MTAP: variants seen among roughly 807,000 people sequenced by gnomAD.
MTAP encodes methylthioadenosine phosphorylase, also known as S-methyl-5'-thioadenosine phosphorylase.
In MTAP, 33 loss-of-function variants were observed where a neutral mutation model predicts 33.6. The observed-to-expected ratio is 0.98, with a 90% CI of 0.74 to 1.31. MTAP has a LOEUF of 1.31. Among genes scored for constraint, MTAP ranks in the 40% most tolerant of loss-of-function variants. MTAP has a pLI of 0.00. For missense variants in MTAP, 367 were observed against 360.0 expected, an observed-to-expected ratio of 1.02 and a Z score of -0.16; for synonymous variants, 148 against 125.7, an observed-to-expected ratio of 1.18 and a Z score of -1.19.
intron 1 of MTAP, among the ~76,000 whole-genome samples, chr9:21,878,776 A>G (rs546258046): frequency 1.3e-5 from 2 of 152,344 alleles, no homozygotes; most frequent in East Asian, 3.9e-4. Flanking sequence ...ATTAGTTTCA[A>G]GGAACTTCTT....
chr9:21,908,874 A>G (rs1387000556), intron 1 of MTAP, among the ~76,000 whole-genome samples: 1 of 151,946 alleles, frequency 6.6e-6, no homozygotes, highest in Non-Finnish European at 1.5e-5. Flanking sequence ...ATTATTTTGA[A>G]TGAAATATGG....
chr9:21,808,309 G>C (rs544287145), intron 1 of MTAP, among the ~76,000 whole-genome samples: 1 of 152,216 alleles, frequency 6.6e-6, no homozygotes, highest in African/African-American at 2.4e-5. Context: ...ATGAGGCCGG[G>C]CATGGTGGCT....
intron 4 of MTAP, among the ~76,000 whole-genome samples, chr9:21,833,207 A>G (rs1825016530): frequency 6.6e-6 from 1 of 151,878 alleles, no homozygotes; most frequent in East Asian, 1.9e-4. Flanking sequence ...CTTTTTTTTG[A>G]GACAAGATCT....
downstream of MTAP, among the ~76,000 whole-genome samples, chr9:21,939,031 A>G (rs959432035): frequency 3.0e-4 from 45 of 152,330 alleles, 1 homozygote; most frequent in Admixed American, 2.9e-3. Flanking sequence ...GGAGGGACCC[A>G]GGGAGAGGTT....
intron 2 of MTAP, 66 bp from the exon 3 acceptor site, chr9:21,816,648 A>T (rs960151960): frequency 1.7e-5 from 24 of 1,437,014 alleles, no homozygotes; most frequent in Non-Finnish European, 2.2e-5. Context: ...TTGTGGTTGA[A>T]CAATTATAAT....
chr9:21,880,326 T>C (rs1384520320), intron 1 of MTAP, among the ~76,000 whole-genome samples: 1 of 152,108 alleles, frequency 6.6e-6, no homozygotes. Flanking sequence ...TCCAAACCCA[T>C]AAACTAAACC....
intron 4 of MTAP, among the ~76,000 whole-genome samples, 171 bp downstream of exon 4, chr9:21,818,373 G>A (rs1159262285): frequency 7.7e-6 from 1 of 130,652 alleles, no homozygotes; most frequent in Non-Finnish European, 1.5e-5. Flanking sequence ...TGTCTCCCAG[G>A]CTGGAGTGCA....
intron 1 of MTAP, among the ~76,000 whole-genome samples, chr9:21,810,655 A>G (rs556572800): frequency 7.2e-5 from 11 of 152,216 alleles, no homozygotes; most frequent in Non-Finnish European, 1.3e-4. Context: ...TCAAACCATA[A>G]CATGAGGTAT....
chr9:21,924,986 C>G (rs781168823), intron 1 of MTAP, among the ~76,000 whole-genome samples: 1 of 152,214 alleles, frequency 6.6e-6, no homozygotes, highest in Non-Finnish European at 1.5e-5. Flanking sequence ...GAACATGACT[C>G]CATTATGGAG....
intron 1 of MTAP, chr9:21,893,988 A>G (rs1177576242): frequency 1.3e-5 from 2 of 151,936 alleles, no homozygotes; most frequent in Non-Finnish European, 2.9e-5. Context: ...GAACATGTAT[A>G]CAAAAATACT....
intron 1 of MTAP, among the ~76,000 whole-genome samples, chr9:21,899,233 T>G (rs1331687563): frequency 6.6e-4 from 31 of 47,150 alleles, no homozygotes; most frequent in African/African-American, 2.7e-3. Flanking sequence ...GGGCCTGTTG[T>G]GGGGTGGGGG....
Position 21,915,077 on chromosome 9 carries a change from TTTC to T in MTAP, c.148-15928_148-15926del, listed in dbSNP as rs1563869542. The stretch of plus-strand genomic sequence containing the variant: ...CTTCCTTTCTTTCTTTCTTTCTTTC[TTTC>T]TTTCCTTTCTTTCTTTTCTTTCGGC... On this transcript the variant is annotated intron_variant, in intron 1 of 1. Transcript: ENST00000577563. Among the ~76,000 whole-genome samples, 560 of 128,968 alleles carry T rather than the reference TTTC, an allele frequency of 4.3e-3. 28 individuals are homozygous for T. Among genetic ancestry groups the T allele is most frequent in the African/African-American group, 0.02 (535 of 27,174 alleles). The allele number at this position is 128,968 out of a possible 152,430, so 84.6% of individuals were successfully genotyped here.
intron 1 of MTAP, among the ~76,000 whole-genome samples, chr9:21,914,053 G>A (rs1286156535): frequency 6.6e-6 from 1 of 152,214 alleles, no homozygotes; most frequent in Non-Finnish European, 1.5e-5. Flanking sequence ...CTGGCCATCA[G>A]AGAAATGCAA....
intron 1 of MTAP, among the ~76,000 whole-genome samples, chr9:21,875,718 T>A (rs1825997261): frequency 6.6e-6 from 1 of 152,166 alleles, no homozygotes; most frequent in East Asian, 1.9e-4. Flanking sequence ...ACAAAAGATA[T>A]GGTCTCCTTC....
At chr9:21,820,957 A>T (rs931912629) in intron 4 of MTAP, among the ~76,000 whole-genome samples, 1 of 152,042 alleles carries the variant, frequency 6.6e-6, no homozygotes, top group Admixed American at 6.6e-5. Flanking sequence ...AATGCTTGTG[A>T]TTTTTGCACA....
intron 5 of MTAP, among the ~76,000 whole-genome samples, chr9:21,844,875 C>CA (rs1156880165): frequency 2.6e-5 from 4 of 152,020 alleles, no homozygotes; most frequent in East Asian, 1.9e-4. Context: ...ACTAAAAATA[C>CA]AAAAAAATTA....
chr9:21,916,120 G>C (rs1818686450), intron 1 of MTAP, among the ~76,000 whole-genome samples: 1 of 142,056 alleles, frequency 7.0e-6, no homozygotes, highest in Non-Finnish European at 1.5e-5. Flanking sequence ...AGGAAGGAAG[G>C]AGGGAGGGAA....
intron 1 of MTAP, among the ~76,000 whole-genome samples, chr9:21,918,893 G>A (rs1247857386): frequency 6.6e-6 from 1 of 152,032 alleles, no homozygotes; most frequent in Non-Finnish European, 1.5e-5. Context: ...CCAGTCTTGG[G>A]GGTGTCTTTA....
intron 4 of MTAP, among the ~76,000 whole-genome samples, chr9:21,820,814 G>A (rs1309273973): frequency 1.3e-5 from 2 of 152,186 alleles, no homozygotes; most frequent in African/African-American, 4.8e-5. Context: ...GCAGTGGTTT[G>A]TAGTTCTCCT....
Sources: gnomAD v4.1 joint callset for allele counts (sites outside exome capture counted in the v4.1 genomes callset) on GRCh38, gnomAD v4.1.1 for gene constraint, MANE v1.5 for transcripts, NCBI Gene and HGNC (gene_info 2026-07-23, HGNC 2026-07-21) for gene names.